Variants in PGM2L1 observed in about 807,000 individuals in gnomAD.
PGM2L1 encodes the protein phosphoglucomutase 2 like 1, also known as glucose 1,6-bisphosphate synthase.
A neutral mutation model predicts 73.4 loss-of-function variants in PGM2L1; 35 were observed. That is an observed-to-expected ratio of 0.48 (90% CI 0.36 to 0.63). The LOEUF (loss-of-function observed/expected upper bound fraction) is 0.63, where lower values mean the gene tolerates loss of function less well. Ranked by LOEUF, PGM2L1 falls within the 30% of genes least tolerant of loss-of-function variation. The probability of loss-of-function intolerance (pLI) is 0.00; values close to 1 mark genes in which losing one functional copy is unlikely to be tolerated. For missense variants in PGM2L1, 570 were observed against 742.0 expected, an observed-to-expected ratio of 0.77 and a Z score of 2.69; for synonymous variants, 225 against 253.8, an observed-to-expected ratio of 0.89 and a Z score of 1.08.
intron 9 of PGM2L1, 35 bp from the exon 10 acceptor site, chr11:74,343,451 CTG>C: frequency 6.3e-7 from 1 of 1,597,222 alleles, no homozygotes; most frequent in Non-Finnish European, 8.5e-7. Context: ...AGTTAAGTGA[CTG>C]TCTCACAAAT....
chr11:74,392,799 C>G (rs1344906202), intron 1 of PGM2L1, among the ~76,000 whole-genome samples: 1 of 152,216 alleles, frequency 6.6e-6, no homozygotes, highest in Non-Finnish European at 1.5e-5. Flanking sequence ...CTCGGCCTCC[C>G]AAAGTGTTGG....
chr11:74,340,899 T>G (rs1264348172), intron 12 of PGM2L1, among the ~76,000 whole-genome samples: 2 of 151,828 alleles, frequency 1.3e-5, no homozygotes, highest in East Asian at 1.9e-4. Context: ...ATGGGTAAAC[T>G]AAGGAAACAA....
intron 1 of PGM2L1, among the ~76,000 whole-genome samples, chr11:74,392,419 G>A (rs2134957006): frequency 6.6e-6 from 1 of 151,728 alleles, no homozygotes; most frequent in East Asian, 1.9e-4. Flanking sequence ...TTCTTGGACA[G>A]AAGGAGAATA....
chr11:74,350,381 A>G (rs921225937), intron 6 of PGM2L1, among the ~76,000 whole-genome samples: 9 of 152,352 alleles, frequency 5.9e-5, no homozygotes, highest in Non-Finnish European at 1.3e-4. Flanking sequence ...AAGGAAAAAT[A>G]AACTCTTAAG....
rs547652950 is a variant in PGM2L1 at position 74,355,553 on chromosome 11, C to CAA, written c.556-3979_556-3978dup. 916 of 113,762 alleles carry CAA rather than the reference C, an allele frequency of 8.1e-3. 1 individual carries two copies. The highest frequency in any genetic ancestry group is 0.011 in the South Asian group (165 of 14,894). 7.0% of individuals were successfully genotyped at this position (113,762 alleles called of 1,614,324 possible). A position where few individuals can be genotyped will look rare whatever the true frequency, so the allele number is the denominator to read the frequency against. The stretch of plus-strand genomic sequence containing the variant: ...TGGGCGACAGAGCGAGACTCCGTCT[C>CAA]AAAAAAAAAAAAAAAAAAAAAAAAA... On this transcript the variant is annotated intron_variant, in intron 5 of 13. Coordinates refer to ENST00000298198, the MANE Select transcript of PGM2L1 (RefSeq NM_173582.6).
intron 1 of PGM2L1, among the ~76,000 whole-genome samples, chr11:74,376,574 G>A (rs1862857679): frequency 6.6e-6 from 1 of 150,912 alleles, no homozygotes; most frequent in African/African-American, 2.4e-5. Flanking sequence ...GTATATATGT[G>A]TATATACACA....
chr11:74,371,211 A>G (rs998792522), intron 3 of PGM2L1, among the ~76,000 whole-genome samples: 3 of 152,198 alleles, frequency 2.0e-5, no homozygotes, highest in African/African-American at 7.2e-5. Context: ...TGATATTTCA[A>G]TTTCCTCTTT....
Position 74,330,330 on chromosome 11 carries a change from T to G in PGM2L1, c.*6322A>C, listed in dbSNP as rs1861992828. 1 of 152,650 alleles carries G rather than the reference T, an allele frequency of 6.6e-6. No individual in the cohort carries two copies. The allele number at this position is 152,650 out of a possible 1,614,324, so 9.5% of individuals were successfully genotyped here. On this transcript the variant is annotated 3_prime_UTR_variant, in exon 14 of 14. Transcript: ENST00000298198. ...AGAAACTCATGCCTATGAAGAGACC[T>G]GTTTATTACTGATAACACTTCATTT...
In PGM2L1 at chr11:74,335,061, G is replaced by A. The variant is rs186131466; in HGVS notation, c.*1591C>T. ...TGGTATTACAGATGTGAGCCACCAA[G>A]CCCAGCCTAAACAGCATTTCTCTAT... On this transcript the variant is annotated 3_prime_UTR_variant, in exon 14 of 14. Transcript: ENST00000298198. 1 of 151,114 alleles carries A rather than the reference G, an allele frequency of 6.6e-6. No individual in the cohort carries two copies. Among genetic ancestry groups the A allele is most frequent in the East Asian group, 1.9e-4 (1 of 5,142 alleles). 9.4% of individuals were successfully genotyped at this position (151,114 alleles called of 1,614,324 possible).
chr11:74,336,744 A>G lies in PGM2L1; in HGVS notation c.1777T>C (p.Leu593=). The change falls in exon 14 of 14, where the codon TTA becomes CTA. Residue 593 remains leucine (L), a synonymous_variant. Transcript: ENST00000298198. ...CASPDQSDTA[L]LEEELKKLID... is the part of the protein sequence containing the mutation. ...AGTTTCTTCAGTTCTTCCTCCAGTA[A>G]AGCAGTGTCACTGAGGAAAAGATGA... The G allele has an allele frequency of 6.2e-7, 1 of 1,604,536 alleles. No individual in the cohort carries two copies. The highest frequency in any genetic ancestry group is 8.5e-7 in the Non-Finnish European group (1 of 1,173,076).
chr11:74,344,294 G>C (rs920453778), intron 9 of PGM2L1, among the ~76,000 whole-genome samples: 1 of 152,042 alleles, frequency 6.6e-6, no homozygotes, highest in Non-Finnish European at 1.5e-5. Flanking sequence ...ATCAATGAAA[G>C]GTCATGAAGC....
intron 5 of PGM2L1, among the ~76,000 whole-genome samples, chr11:74,358,491 T>C (rs1334529673): frequency 1.3e-5 from 2 of 152,220 alleles, no homozygotes; most frequent in Admixed American, 6.5e-5. Context: ...TCATGGAAGA[T>C]ACAGGATAAA....
chr11:74,330,817 C>CT lies in PGM2L1; in HGVS notation c.*5834dup, dbSNP rs1222273835. The stretch of plus-strand genomic sequence containing the variant: ...CTTTACCTTCCTGGCCAACACCTTG[C>CT]TTTGAGTGTAAAATACCAGGCATTA... On this transcript the variant is annotated 3_prime_UTR_variant, in exon 14 of 14. Transcript: ENST00000298198. 1 of 152,476 alleles carries CT rather than the reference C, an allele frequency of 6.6e-6. No homozygotes were observed. Among genetic ancestry groups the CT allele is most frequent in the Non-Finnish European group, 1.5e-5 (1 of 68,028 alleles). 9.4% of individuals were successfully genotyped at this position (152,476 alleles called of 1,614,324 possible).
chr11:74,346,629 T>A, intron 8 of PGM2L1, 103 bp downstream of exon 8: 1 of 855,312 alleles, frequency 1.2e-6, no homozygotes, highest in Non-Finnish European at 1.8e-6. Flanking sequence ...AGGAAATTTA[T>A]GTTCTTTTCT....
Position 74,351,439 on chromosome 11 carries a change from A to T in PGM2L1, c.693T>A (p.Pro231=). 1 of 1,614,080 alleles carries T rather than the reference A, an allele frequency of 6.2e-7. No individual in the cohort carries two copies. Among genetic ancestry groups the T allele is most frequent in the African/African-American group, 1.3e-5 (1 of 75,052 alleles). The change falls in exon 6 of 14, where the codon CCT becomes CCA. Residue 231 remains proline (P), a synonymous_variant. Transcript: ENST00000298198. ...LVDTSPLKRD[P]LQDICRRYME... ...TGTATCTCCTGCAAATGTCCTGCAG[A>T]GGGTCTCTCTTCAGCGGGCTGGTAT...
At chr11:74,363,032 A>C (rs1183085565) in intron 5 of PGM2L1, among the ~76,000 whole-genome samples, 1 of 152,186 alleles carries the variant, frequency 6.6e-6, no homozygotes, top group Non-Finnish European at 1.5e-5. Flanking sequence ...AATTATAACA[A>C]ACTGTCTCTC....
chr11:74,333,578 T>G lies in PGM2L1; in HGVS notation c.*3074A>C, dbSNP rs565561778. On this transcript the variant is annotated 3_prime_UTR_variant, in exon 14 of 14. Coordinates refer to ENST00000298198, the MANE Select transcript of PGM2L1 (RefSeq NM_173582.6). ...GCAGGAACTGAATCCGTAAAAGGGA[T>G]ACTTTTTCTCACCTCCTAAACCTTG... The G allele has an allele frequency of 6.6e-6, 1 of 152,352 alleles. No individual in the cohort carries two copies. The highest frequency in any genetic ancestry group is 2.4e-5 in the African/African-American group (1 of 41,580). The allele number at this position is 152,352 out of a possible 1,614,324, so 9.4% of individuals were successfully genotyped here. A position where few individuals can be genotyped will look rare whatever the true frequency, so the allele number is the denominator to read the frequency against.
chr11:74,350,877 C>CA lies in PGM2L1; in HGVS notation c.749+505dup, dbSNP rs1453313666. Among the ~76,000 whole-genome samples, 188 of 143,812 alleles carry CA rather than the reference C, an allele frequency of 1.3e-3. 2 individuals carry two copies. The highest frequency in any genetic ancestry group is 3.5e-3 in the Middle Eastern group (1 of 284). The allele number at this position is 143,812 out of a possible 152,430, so 94.3% of individuals were successfully genotyped here. A position where few individuals can be genotyped will look rare whatever the true frequency, so the allele number is the denominator to read the frequency against. ...GGGTGACAAGAGCGAGACTCTGTCTCAAAAAAAAGGAAAGAAAGAAAGAGA... is the reference window on the plus strand; with the variant it reads ...GGGTGACAAGAGCGAGACTCTGTCTCAAAAAAAAAGGAAAGAAAGAAAGAGA... On this transcript the variant is annotated intron_variant, in intron 6 of 13. Transcript: ENST00000298198.
intron 1 of PGM2L1, among the ~76,000 whole-genome samples, chr11:74,385,996 C>T (rs1399698631): frequency 1.3e-5 from 2 of 152,024 alleles, no homozygotes. Context: ...TACTTTAAGA[C>T]ATCCAGCAAA....
Sources: allele counts gnomAD v4.1 joint callset (sites outside exome capture counted in the v4.1 genomes callset), GRCh38; gene constraint gnomAD v4.1.1; transcripts MANE v1.5; gene names NCBI Gene and HGNC (gene_info 2026-07-23, HGNC 2026-07-21).